Variants in ROBO1 observed in about 807,000 individuals in gnomAD.
ROBO1 encodes the protein roundabout homolog 1.
ROBO1 carries 149 observed loss-of-function variants against 195.9 expected under a neutral mutation model. The ratio of observed to expected loss-of-function variants is 0.76; its 90% CI spans 0.67 to 0.87. ROBO1 has a LOEUF of 0.87. Ranked by LOEUF, ROBO1 falls within the 40% of genes least tolerant of loss-of-function variation. ROBO1 has a pLI of 0.00. For missense variants in ROBO1, 1,933 were observed against 2,068.3 expected (o/e 0.93, Z 1.27); for synonymous variants, 816 against 733.2 (o/e 1.11, Z -1.82).
intron 2 of ROBO1, among the ~76,000 whole-genome samples, chr3:79,278,168 TACAA>T (rs1406092182): frequency 1.3e-5 from 2 of 151,938 alleles, no homozygotes; most frequent in Non-Finnish European, 2.9e-5. Context: ...TTGAAGAGTG[TACAA>T]ACAAATGAAA....
At chr3:79,012,649 T>A (rs556136085) in intron 3 of ROBO1, among the ~76,000 whole-genome samples, 1 of 152,306 alleles carries the variant, frequency 6.6e-6, no homozygotes, top group East Asian at 1.9e-4. Context: ...TCATAAGACA[T>A]TTGGAAGCCA....
intron 2 of ROBO1, among the ~76,000 whole-genome samples, chr3:79,182,958 G>A (rs2081370794): frequency 6.6e-6 from 1 of 151,712 alleles, no homozygotes; most frequent in Non-Finnish European, 1.5e-5. Context: ...GCACGTGCCT[G>A]TAGTCCCAGC....
chr3:79,546,303 G>A (rs1942262222), intron 2 of ROBO1, among the ~76,000 whole-genome samples: 1 of 152,036 alleles, frequency 6.6e-6, no homozygotes, highest in East Asian at 1.9e-4. Flanking sequence ...GTCAACAGTA[G>A]ACTATTAGTT....
chr3:79,693,210 C>T (rs1947344606), intron 1 of ROBO1, among the ~76,000 whole-genome samples: 1 of 151,698 alleles, frequency 6.6e-6, no homozygotes, highest in African/African-American at 2.4e-5. Flanking sequence ...TAGCATTTCA[C>T]AATGTATAAA....
At chr3:79,145,381 A>G (rs1191931533) in intron 2 of ROBO1, among the ~76,000 whole-genome samples, 1 of 151,096 alleles carries the variant, frequency 6.6e-6, no homozygotes, top group Non-Finnish European at 1.5e-5. Context: ...ATACACACAC[A>G]CACACACACA....
chr3:79,549,238 A>T (rs1942385861), intron 2 of ROBO1, among the ~76,000 whole-genome samples: 1 of 152,212 alleles, frequency 6.6e-6, no homozygotes, highest in African/African-American at 2.4e-5. Flanking sequence ...AAACAATGGG[A>T]ACTGTGACAG....
intron 2 of ROBO1, among the ~76,000 whole-genome samples, chr3:79,337,913 G>A (rs1015045168): frequency 1.3e-5 from 2 of 151,938 alleles, no homozygotes; most frequent in African/African-American, 2.4e-5. Context: ...CATTTTAAAA[G>A]GCAAAACAAA....
chr3:78,756,452 T>G (rs184329849), intron 4 of ROBO1, among the ~76,000 whole-genome samples: 38 of 152,320 alleles, frequency 2.5e-4, no homozygotes, highest in Admixed American at 2.2e-3. Flanking sequence ...CTTTCACATA[T>G]GTAAAGCATA....
intron 2 of ROBO1, among the ~76,000 whole-genome samples, chr3:79,430,520 T>C (rs563478081): frequency 7.7e-4 from 117 of 152,158 alleles, no homozygotes; most frequent in Non-Finnish European, 1.0e-3. Context: ...CCCTACCATA[T>C]AGAAAGCCCC....
At chr3:79,384,652 C>G (rs925647477) in intron 2 of ROBO1, among the ~76,000 whole-genome samples, 6 of 151,960 alleles carry the variant, frequency 3.9e-5, no homozygotes, top group Non-Finnish European at 8.8e-5. Context: ...TAAATGTTTA[C>G]TCGCTTAATC....
chr3:79,763,667 C>A (rs1015570906), intron 1 of ROBO1, among the ~76,000 whole-genome samples: 3 of 152,134 alleles, frequency 2.0e-5, no homozygotes, highest in African/African-American at 7.2e-5. Context: ...AAATGGAAAG[C>A]CCCTCAGTTT....
intron 5 of ROBO1, among the ~76,000 whole-genome samples, chr3:78,742,017 A>C (rs2082544583): frequency 6.6e-6 from 1 of 152,162 alleles, no homozygotes; most frequent in South Asian, 2.1e-4. Flanking sequence ...GGTCAATGTA[A>C]GAAGAAATGA....
At chr3:79,511,815 C>T (rs1228765788) in intron 2 of ROBO1, among the ~76,000 whole-genome samples, 1 of 152,048 alleles carries the variant, frequency 6.6e-6, no homozygotes, top group Non-Finnish European at 1.5e-5. Flanking sequence ...CAAATTAATG[C>T]AGGAACAGAA....
chr3:78,888,907 T>C (rs331181), intron 4 of ROBO1, among the ~76,000 whole-genome samples: 69,852 of 152,046 alleles, frequency 0.46, 18,429 homozygotes, highest in African/African-American at 0.74. Flanking sequence ...ACTGTTCACC[T>C]TTGGTTGGAT....
At chr3:78,754,179 T>C (rs185282900) in intron 4 of ROBO1, among the ~76,000 whole-genome samples, 4 of 152,310 alleles carry the variant, frequency 2.6e-5, no homozygotes, top group East Asian at 3.9e-4. Context: ...TTGCCATTTA[T>C]ATGGTGCATT....
intron 3 of ROBO1, among the ~76,000 whole-genome samples, chr3:79,017,494 T>TGTGTGTGTG (rs1553659458): frequency 6.0e-5 from 9 of 149,946 alleles, no homozygotes; most frequent in African/African-American, 7.4e-5. Context: ...TGTGTGTGTG[T>TGTGTGTGTG]TTTAAAGCCT....
chr3:79,491,217 C>T (rs1283638776), intron 2 of ROBO1, among the ~76,000 whole-genome samples: 1 of 103,698 alleles, frequency 9.6e-6, no homozygotes, highest in African/African-American at 4.4e-5. Context: ...GGACGGGGAT[C>T]GGCTCTTTTT....
intron 2 of ROBO1, among the ~76,000 whole-genome samples, chr3:79,492,191 G>A (rs1282770503): frequency 2.0e-5 from 3 of 152,042 alleles, no homozygotes; most frequent in African/African-American, 4.8e-5. Flanking sequence ...TTGGGAGGCC[G>A]AGGCAGGCGG....
chr3:79,421,179 T>C (rs1465606089), intron 2 of ROBO1, among the ~76,000 whole-genome samples: 1 of 151,820 alleles, frequency 6.6e-6, no homozygotes, highest in Non-Finnish European at 1.5e-5. Context: ...ACTGAGTACA[T>C]ATGGACACAA....
Sources: allele counts gnomAD v4.1 joint callset (sites outside exome capture counted in the v4.1 genomes callset), GRCh38; gene constraint gnomAD v4.1.1; transcripts MANE v1.5; gene names NCBI Gene and HGNC (gene_info 2026-07-23, HGNC 2026-07-21).